KSR2: variants seen among roughly 807,000 people sequenced by gnomAD.
KSR2 encodes kinase suppressor of ras 2.
Under a neutral mutation model 107.8 loss-of-function variants are expected in KSR2, and 25 were observed. The observed-to-expected ratio is 0.23, with a 90% CI of 0.17 to 0.32. KSR2 has a LOEUF of 0.32. Among genes scored for constraint, KSR2 ranks in the 10% least tolerant of loss-of-function variants. KSR2 has a pLI of 1.00. For missense variants in KSR2, 887 were observed against 1,268.9 expected (o/e 0.70, Z 4.57); for synonymous variants, 480 against 507.0 (o/e 0.95, Z 0.71).
chr12:117,741,647 G>C (rs1419078194), intron 4 of KSR2, among the ~76,000 whole-genome samples: 1 of 152,180 alleles, frequency 6.6e-6, no homozygotes, highest in East Asian at 1.9e-4. Context: ...ATCCTGTGTT[G>C]CCCAGGCTGA....
chr12:117,638,209 C>T (rs1883198565), intron 5 of KSR2, among the ~76,000 whole-genome samples: 1 of 152,198 alleles, frequency 6.6e-6, no homozygotes. Context: ...TCTCTTCCCA[C>T]GTCTTCCTGC....
intron 4 of KSR2, among the ~76,000 whole-genome samples, chr12:117,724,430 T>C (rs1197598666): frequency 1.3e-5 from 2 of 151,996 alleles, no homozygotes; most frequent in Non-Finnish European, 2.9e-5. Context: ...CATTTACAAA[T>C]ATAAAAACTA....
intron 1 of KSR2, among the ~76,000 whole-genome samples, chr12:117,960,812 T>TTC (rs1896639540): frequency 6.6e-6 from 1 of 151,628 alleles, no homozygotes; most frequent in Non-Finnish European, 1.5e-5. Flanking sequence ...TTTTTTTTTT[T>TTC]TTCTTGAGAC....
chr12:117,696,514 TC>T (rs1197541322), intron 4 of KSR2, among the ~76,000 whole-genome samples: 3 of 148,564 alleles, frequency 2.0e-5, no homozygotes, highest in East Asian at 4.1e-4. Flanking sequence ...CTAGCACTGG[TC>T]GGGGGGAGTA....
At chr12:117,688,417 G>C (rs1885675906) in intron 4 of KSR2, among the ~76,000 whole-genome samples, 1 of 152,120 alleles carries the variant, frequency 6.6e-6, no homozygotes, top group African/African-American at 2.4e-5. Context: ...CACTAAATCA[G>C]ACTAAGTACC....
At chr12:117,638,357 C>T (rs898021530) in intron 5 of KSR2, among the ~76,000 whole-genome samples, 5 of 152,098 alleles carry the variant, frequency 3.3e-5, no homozygotes, top group South Asian at 2.1e-4. Context: ...TGAAGAGCCA[C>T]GTCCATGGGC....
At chr12:117,942,505 T>TC (rs1593389919) in intron 1 of KSR2, among the ~76,000 whole-genome samples, 1 of 150,852 alleles carries the variant, frequency 6.6e-6, no homozygotes. Flanking sequence ...TTTTTTTTTT[T>TC]TGAGACAGGG....
intron 1 of KSR2, among the ~76,000 whole-genome samples, chr12:117,893,996 G>A (rs1454510554): frequency 6.9e-6 from 1 of 145,678 alleles, no homozygotes; most frequent in East Asian, 2.0e-4. Flanking sequence ...TGCAAGCTCC[G>A]CCTCCCGGGT....
At chr12:117,861,925 A>G (rs567610175) in intron 1 of KSR2, among the ~76,000 whole-genome samples, 1 of 152,324 alleles carries the variant, frequency 6.6e-6, no homozygotes, top group East Asian at 1.9e-4. Context: ...AACCAAAGAA[A>G]GGCAATACCT....
chr12:117,789,995 C>T (rs1890201162), intron 3 of KSR2, among the ~76,000 whole-genome samples: 1 of 152,072 alleles, frequency 6.6e-6, no homozygotes, highest in Non-Finnish European at 1.5e-5. Context: ...CACGCTGGAC[C>T]CTAGACCAAT....
At chr12:117,740,326 C>T (rs61937721) in intron 4 of KSR2, among the ~76,000 whole-genome samples, 26,821 of 137,662 alleles carry the variant, frequency 0.19, 3,351 homozygotes, top group South Asian at 0.29. Context: ...CACATATATA[C>T]ATTATATATA....
intron 4 of KSR2, among the ~76,000 whole-genome samples, chr12:117,751,294 C>A (rs1279080622): frequency 6.6e-6 from 1 of 152,218 alleles, no homozygotes; most frequent in East Asian, 1.9e-4. Context: ...GTCCATTAAA[C>A]CTCTTTCCTT....
intron 4 of KSR2, among the ~76,000 whole-genome samples, chr12:117,741,268 G>C (rs1888208348): frequency 6.6e-6 from 1 of 151,984 alleles, no homozygotes; most frequent in Admixed American, 6.6e-5. Context: ...TATAATCCTA[G>C]CTACTTGGGA....
chr12:117,499,177 T>A (rs1005604090), intron 14 of KSR2, among the ~76,000 whole-genome samples: 1 of 152,226 alleles, frequency 6.6e-6, no homozygotes, highest in Non-Finnish European at 1.5e-5. Flanking sequence ...CCACACTTAT[T>A]TTTCAACTCA....
At chr12:117,779,972 T>A (rs144199600) in intron 3 of KSR2, among the ~76,000 whole-genome samples, 29 of 152,310 alleles carry the variant, frequency 1.9e-4, no homozygotes, top group Non-Finnish European at 3.5e-4. Context: ...ATACACCAGG[T>A]ACTTTGATCT....
chr12:117,782,067 A>G (rs1411333209), intron 3 of KSR2, among the ~76,000 whole-genome samples: 1 of 152,090 alleles, frequency 6.6e-6, no homozygotes, highest in East Asian at 1.9e-4. Context: ...AGGGTAGCAA[A>G]TTCGAATTGT....
chr12:117,707,400 G>A (rs1838822), intron 4 of KSR2, among the ~76,000 whole-genome samples: 55 of 152,324 alleles, frequency 3.6e-4, no homozygotes, highest in Middle Eastern at 3.4e-3. Flanking sequence ...ATTGTGTGGT[G>A]TGCAAACTAT....
chr12:117,927,309 A>G (rs1184175274), intron 1 of KSR2, among the ~76,000 whole-genome samples: 2 of 151,836 alleles, frequency 1.3e-5, no homozygotes, highest in Non-Finnish European at 2.9e-5. Context: ...CTGGGAGATG[A>G]AGGTTGAAGT....
chr12:117,858,018 C>T (rs1893156883), intron 2 of KSR2, among the ~76,000 whole-genome samples: 1 of 152,166 alleles, frequency 6.6e-6, no homozygotes, highest in African/African-American at 2.4e-5. Flanking sequence ...ATGAGCAAAT[C>T]GCTGCCAGAC....
Sources: allele counts gnomAD v4.1 joint callset (sites outside exome capture counted in the v4.1 genomes callset), GRCh38; gene constraint gnomAD v4.1.1; transcripts MANE v1.5; gene names NCBI Gene and HGNC (gene_info 2026-07-23, HGNC 2026-07-21).